The following TIAM2 variants were observed in gnomAD, a reference collection of about 807,000 sequenced individuals.
TIAM2 encodes TIAM Rac1 associated GEF 2, also known as rho guanine nucleotide exchange factor TIAM2.
A neutral mutation model predicts 152.9 loss-of-function variants in TIAM2; 80 were observed. That is an observed-to-expected ratio of 0.52 (90% CI 0.44 to 0.63). TIAM2 has a LOEUF of 0.63. Among genes scored for constraint, TIAM2 ranks in the 30% least tolerant of loss-of-function variants. The probability of loss-of-function intolerance (pLI) is 0.00; values close to 1 mark genes in which losing one functional copy is unlikely to be tolerated. For synonymous variants in TIAM2, 804 were observed against 838.0 expected (o/e 0.96, Z 0.70); for missense variants, 1,965 against 2,120.1 (o/e 0.93, Z 1.44).
intron 15 of TIAM2, among the ~76,000 whole-genome samples, chr6:155,216,299 G>A (rs1313653363): frequency 6.6e-6 from 1 of 152,132 alleles, no homozygotes. Flanking sequence ...CTTCTCAGGG[G>A]TCATTAACTT....
At chr6:154,998,186 T>C (rs910906390) in intron 1 of TIAM2, among the ~76,000 whole-genome samples, 3 of 152,188 alleles carry the variant, frequency 2.0e-5, no homozygotes, top group Non-Finnish European at 4.4e-5. Context: ...TTCTAGCCAC[T>C]CAGGTTTACG....
intron 14 of TIAM2, among the ~76,000 whole-genome samples, chr6:155,210,056 G>A (rs1229080324): frequency 2.6e-5 from 4 of 152,050 alleles, no homozygotes; most frequent in Non-Finnish European, 4.4e-5. Context: ...CCTAGTTGAG[G>A]GGACATTCTA....
intron 5 of TIAM2, among the ~76,000 whole-genome samples, chr6:155,139,089 A>C: frequency 6.6e-6 from 1 of 152,284 alleles, no homozygotes; most frequent in Admixed American, 6.5e-5. Context: ...CAAAAGCCAA[A>C]CCTCATCGTC....
intron 2 of TIAM2, among the ~76,000 whole-genome samples, chr6:155,099,855 A>T (rs777612370): frequency 1.3e-5 from 2 of 152,218 alleles, no homozygotes; most frequent in Non-Finnish European, 2.9e-5. Flanking sequence ...GGTACAGCCT[A>T]CTACACACCC....
intron 15 of TIAM2, among the ~76,000 whole-genome samples, chr6:155,212,865 G>A (rs1484384297): frequency 6.6e-6 from 1 of 152,206 alleles, no homozygotes; most frequent in Non-Finnish European, 1.5e-5. Context: ...AATGCTGGCT[G>A]TGGTGGGGCA....
chr6:155,243,908 C>A, intron 16 of TIAM2, 103 bp from the exon 17 acceptor site: 3 of 651,018 alleles, frequency 4.6e-6, no homozygotes, highest in Middle Eastern at 2.9e-4. Flanking sequence ...CTTCATTATC[C>A]TGATGGGAGC....
At chr6:155,051,427 T>C (rs181348894) in intron 1 of TIAM2, among the ~76,000 whole-genome samples, 98 of 152,292 alleles carry the variant, frequency 6.4e-4, no homozygotes, top group African/African-American at 2.2e-3. Flanking sequence ...CATTTCAAGG[T>C]AGGTTTTATT....
chr6:155,195,918 G>T (rs993808149), intron 14 of TIAM2, among the ~76,000 whole-genome samples: 1 of 152,368 alleles, frequency 6.6e-6, no homozygotes, highest in African/African-American at 2.4e-5. Context: ...AGGCCCAGAG[G>T]AAGTGTGAGG....
intron 1 of TIAM2, among the ~76,000 whole-genome samples, chr6:155,048,532 A>C (rs547884655): frequency 6.6e-6 from 1 of 150,712 alleles, no homozygotes; most frequent in Admixed American, 6.7e-5. Flanking sequence ...CGTGGAAGGA[A>C]GAGGACAGAG....
At chr6:155,244,805 T>C (rs1783224033) in intron 18 of TIAM2, 22 bp downstream of exon 18, 1 of 1,584,454 alleles carries the variant, frequency 6.3e-7, no homozygotes, top group Non-Finnish European at 8.6e-7. Flanking sequence ...AGATTTAGGC[T>C]TAAAGTAAAA....
intron 14 of TIAM2, among the ~76,000 whole-genome samples, chr6:155,204,202 C>T (rs967131474): frequency 6.6e-6 from 1 of 152,094 alleles, no homozygotes; most frequent in African/African-American, 2.4e-5. Flanking sequence ...TATTTTTTCC[C>T]CACAGCTATA....
intron 1 of TIAM2, among the ~76,000 whole-genome samples, chr6:155,075,741 C>A (rs907621370): frequency 6.6e-6 from 1 of 152,052 alleles, no homozygotes; most frequent in Non-Finnish European, 1.5e-5. Context: ...ATTTTATATT[C>A]GAAAGAATTT....
chr6:155,184,858 A>C (rs866682365), intron 14 of TIAM2, among the ~76,000 whole-genome samples: 16 of 152,210 alleles, frequency 1.1e-4, no homozygotes, highest in African/African-American at 3.9e-4. Context: ...GTCATAAAAC[A>C]AAAATTATGA....
chr6:155,076,926 C>A (rs1468293884), intron 1 of TIAM2, among the ~76,000 whole-genome samples: 5 of 152,188 alleles, frequency 3.3e-5, no homozygotes, highest in East Asian at 1.9e-4. Context: ...GAACTCCTGA[C>A]CTCGGATGAT....
chr6:155,219,022 G>A (rs1378343983), intron 15 of TIAM2, among the ~76,000 whole-genome samples: 62 of 38,366 alleles, frequency 1.6e-3, no homozygotes, highest in African/African-American at 4.4e-3. Context: ...CATCTCAGCC[G>A]CCCACCCGTG....
rs558274078 is a variant in TIAM2, at chr6:155,155,664, G to A, written c.2028+7330G>A. 2.0e-5 allele frequency among the ~76,000 whole-genome samples: 3 copies of A among 152,028 alleles called. No individual in the cohort carries two copies. The South Asian group carries it at 6.2e-4, about 32-fold the overall frequency. ...AAATTTTTGTATTTTTTGTAGAGAC[G>A]GGGTTTTGCCATGTTGGCCAGGCTG... On this transcript the variant is annotated intron_variant, in intron 7 of 26. Transcript: ENST00000682666.
rs1781944386 is a variant in TIAM2 at position 155,218,814 on chromosome 6, G to A, written c.3168+7507G>A. 6.6e-6 allele frequency among the ~76,000 whole-genome samples: 1 copy of A among 151,914 alleles called. No homozygotes were observed. Among genetic ancestry groups the A allele is most frequent in the Admixed American group, 6.6e-5 (1 of 15,264 alleles). ...CTTTGACCATCTCAGCTGCCCACCC[G>A]TGTTCTTGACCATCTCAGCCATCCA... On this transcript the variant is annotated intron_variant, in intron 15 of 26. Transcript: ENST00000682666. The surrounding 1 kb of genome is among the most constrained non-coding windows in gnomAD (Gnocchi z 4.5).
At position 155,164,497 on chromosome 6, in the gene TIAM2, G is replaced by A. The variant is rs1434470478; in HGVS notation, c.2111G>A (p.Gly704Glu). The A allele has an allele frequency of 1.9e-6, 3 of 1,613,992 alleles. No individual in the cohort carries two copies. Among genetic ancestry groups the A allele is most frequent in the East Asian group, 2.2e-5 (1 of 44,882 alleles). The change falls in exon 8 of 27, where the codon GGG becomes GAG. Residue 704 changes from glycine (G) to glutamate (E), a missense_variant. Transcript: ENST00000682666. ...MRCYLASLQG[G>E]ELPNPKSLLA... ...TGCTATCTGGCCAGCCTACAAGGTG[G>A]GGAGTTACCGAACCCAAAGAGTCTC...
intron 9 of TIAM2, among the ~76,000 whole-genome samples, chr6:155,176,295 A>G (rs932704737): frequency 6.6e-6 from 1 of 152,134 alleles, no homozygotes; most frequent in Non-Finnish European, 1.5e-5. Context: ...GTGCAGTGGC[A>G]TGATCTTGGC....
Sources: allele counts gnomAD v4.1 joint callset (sites outside exome capture counted in the v4.1 genomes callset), GRCh38; gene constraint gnomAD v4.1.1; non-coding constraint Gnocchi (gnomAD v3.1); transcripts MANE v1.5; gene names NCBI Gene and HGNC (gene_info 2026-07-23, HGNC 2026-07-21).